Variants in SKOR2 observed in about 807,000 individuals in gnomAD.
The protein encoded by SKOR2 is SKI family transcriptional corepressor 2.
SKOR2 carries 47 observed loss-of-function variants against 69.1 expected under a neutral mutation model. That is an observed-to-expected ratio of 0.68 (90% CI 0.54 to 0.87). The LOEUF is 0.87. SKOR2 is among the 40% of genes least tolerant of loss of function. The pLI is 0.00. For synonymous variants in SKOR2, 717 were observed against 672.6 expected, an observed-to-expected ratio of 1.07 and a Z score of -1.02; for missense variants, 1,404 against 1,472.2, an observed-to-expected ratio of 0.95 and a Z score of 0.76.
At position 47,239,915 on chromosome 18, in the gene SKOR2, G is replaced by A. The variant is rs141122124; in HGVS notation, c.2752+4993C>T. 9.4e-4 allele frequency among the ~76,000 whole-genome samples: 143 copies of A among 152,236 alleles called. 1 individual carries two copies. Among genetic ancestry groups the A allele is most frequent in the African/African-American group, 3.2e-3 (133 of 41,528 alleles). On this transcript the variant is annotated intron_variant, in intron 4 of 8. Transcript: ENST00000425639. ...AAGGGTTTACCTAATGTCACCTAGTGAGGGAATTAAAACTCAGATCTACTA... is the reference window on the plus strand; with the variant it reads ...AAGGGTTTACCTAATGTCACCTAGTAAGGGAATTAAAACTCAGATCTACTA...
At position 47,248,333 on chromosome 18, in the gene SKOR2, G is replaced by A; in HGVS notation, c.851C>T (p.Ala284Val). 1 of 1,202,290 alleles carries A rather than the reference G, an allele frequency of 8.3e-7. No homozygotes were observed. Among genetic ancestry groups the A allele is most frequent in the Non-Finnish European group, 1.0e-6 (1 of 971,776 alleles). The allele number at this position is 1,202,290 out of a possible 1,614,324, so 74.5% of individuals were successfully genotyped here. Residue 284 changes from alanine (A) to valine (V), a missense_variant, in exon 2 of 9, where the codon GCG (alanine) becomes GTG (valine). Physicochemically the swap from Ala to Val is moderately conservative, Grantham distance 64. Coordinates refer to ENST00000425639, the MANE Select transcript of SKOR2 (RefSeq NM_001278063.4). This position sits in a 1 kb window ranked among gnomAD's most constrained non-coding sequence, Gnocchi z 6.4. ...GGLLGPHLLG[A>V]PPPPPPPPPP... Reference sequence around the variant, plus strand: ...CGGTGGCGGCGGCGGCGGCGGGGGCGCACCCAGCAGGTGGGGGCCCAGCAG... The same window carrying A: ...CGGTGGCGGCGGCGGCGGCGGGGGCACACCCAGCAGGTGGGGGCCCAGCAG...
chr18:47,235,586 C>A (rs766478493), intron 4 of SKOR2, among the ~76,000 whole-genome samples: 7 of 152,070 alleles, frequency 4.6e-5, no homozygotes, highest in Non-Finnish European at 8.8e-5. Context: ...CTTTCCTGGT[C>A]TCTCCAAGGA....
intron 4 of SKOR2, among the ~76,000 whole-genome samples, chr18:47,241,465 G>A (rs1215232951): frequency 6.6e-6 from 1 of 152,048 alleles, no homozygotes; most frequent in Non-Finnish European, 1.5e-5. Context: ...CCCAGTCTGG[G>A]ATTTTCTCAA....
chr18:47,208,103 T>A (rs193210752), intron 8 of SKOR2, among the ~76,000 whole-genome samples: 7 of 152,222 alleles, frequency 4.6e-5, no homozygotes, highest in Non-Finnish European at 1.0e-4. Context: ...AGAGTGAGAC[T>A]CAAAGAGATT....
In SKOR2 at chr18:47,249,085, G is replaced by T. The variant is rs1172151800; in HGVS notation, c.99C>A (p.His33Gln). ...PDTLSQPRPG[H>Q]ANLKPNQVGQ... ...CCACCTGGTTGGGTTTGAGGTTGGCGTGCCCTGGCCGCGGCTGGCTCAGCG... is the reference window on the plus strand; with the variant it reads ...CCACCTGGTTGGGTTTGAGGTTGGCTTGCCCTGGCCGCGGCTGGCTCAGCG... Residue 33 changes from histidine (H) to glutamine (Q), a missense_variant, in exon 2 of 9, where the codon CAC becomes CAA. His to Gln is a conservative substitution (Grantham distance 24). Around this residue, in one of 3 missense-constraint regions of SKOR2, gnomAD observed 104 missense variants for 95.7 expected, o/e 1.09. Transcript: ENST00000425639. 1 of 1,536,470 alleles carries T rather than the reference G, an allele frequency of 6.5e-7. No individual in the cohort carries two copies. The highest frequency in any genetic ancestry group is 8.7e-7 in the Non-Finnish European group (1 of 1,146,952).
chr18:47,227,646 G>A (rs1224566984), intron 6 of SKOR2, among the ~76,000 whole-genome samples: 1 of 152,100 alleles, frequency 6.6e-6, no homozygotes, highest in Non-Finnish European at 1.5e-5. Context: ...CCAAAAATTT[G>A]GACCCAAGTT....
chr18:47,225,206 GAATCTAAAATGATGACATTTTAGATGA>G, intron 6 of SKOR2, among the ~76,000 whole-genome samples: 1 of 152,126 alleles, frequency 6.6e-6, no homozygotes, highest in Non-Finnish European at 1.5e-5. Flanking sequence ...TTTTTTATAA[GAATCTAAAATGATGACATTTTAGATGA>G]AATCTAACAT....
Position 47,246,527 on chromosome 18 carries a change from AAAT to A in SKOR2, c.2613+41_2613+43del, listed in dbSNP as rs766612569. 4.8e-6 allele frequency: 7 copies of A among 1,460,824 alleles called. No individual in the cohort carries two copies. The South Asian group carries it at 8.2e-5, about 17-fold the overall frequency. The allele number at this position is 1,460,824 out of a possible 1,614,324, so 90.5% of individuals were successfully genotyped here. A position where few individuals can be genotyped will look rare whatever the true frequency, so the allele number is the denominator to read the frequency against. On this transcript the variant is annotated intron_variant, in intron 2 of 8. Transcript: ENST00000425639. ...ACCGATTCAGCCTAAAGGTGCATTT[AAAT>A]AATAATAATTAGCTTGAAGGAGCCT...
chr18:47,220,175 A>G (rs753359298), intron 6 of SKOR2, among the ~76,000 whole-genome samples, 165 bp from the exon 7 acceptor site: 1 of 152,210 alleles, frequency 6.6e-6, no homozygotes, highest in Non-Finnish European at 1.5e-5. Context: ...TCAACACTCT[A>G]TAATTTAATC....
chr18:47,223,305 T>G (rs1343306902), intron 6 of SKOR2, among the ~76,000 whole-genome samples: 17 of 152,038 alleles, frequency 1.1e-4, no homozygotes. Flanking sequence ...TCACCAGCAA[T>G]GAAAGAAAAG....
At chr18:47,230,405 A>G (rs1314693606) in intron 6 of SKOR2, 54 bp downstream of exon 6, 4 of 1,069,510 alleles carry the variant, frequency 3.7e-6, no homozygotes, top group Non-Finnish European at 4.9e-6. Context: ...TAAGCCTAAT[A>G]ATAGAAACGT....
At chr18:47,209,763 A>G (rs941920421) in intron 8 of SKOR2, among the ~76,000 whole-genome samples, 1 of 152,130 alleles carries the variant, frequency 6.6e-6, no homozygotes, top group African/African-American at 2.4e-5. Context: ...GGGGAAGTGT[A>G]AGGAGTAAAA....
chr18:47,247,877 C>T lies in SKOR2; in HGVS notation c.1307G>A (p.Gly436Asp). The T allele has an allele frequency of 2.2e-6, 3 of 1,354,496 alleles. No individual in the cohort carries two copies. The highest frequency in any genetic ancestry group is 1.8e-5 in the South Asian group (1 of 54,132). The allele number at this position is 1,354,496 out of a possible 1,614,324, so 83.9% of individuals were successfully genotyped here. A position where few individuals can be genotyped will look rare whatever the true frequency, so the allele number is the denominator to read the frequency against. ...CGCGCCCGCGCCGCCTGCGCCCGCG[C>T]CCCCCAGGGCCTCAGCGGCGGCACC... ...DAGAAAEALG[G>D]AGAGGAGAAP... is the part of the protein sequence containing the mutation. Residue 436 changes from glycine to aspartate, a missense_variant, in exon 2 of 9, where the codon GGC becomes GAC. By Grantham distance (94) the Gly-to-Asp change is moderately conservative. Transcript: ENST00000425639. The surrounding 1 kb of genome is among the most constrained non-coding windows in gnomAD (Gnocchi z 6.6).
chr18:47,214,760 A>T (rs937391725), intron 7 of SKOR2, among the ~76,000 whole-genome samples: 2 of 152,186 alleles, frequency 1.3e-5, no homozygotes, highest in African/African-American at 4.8e-5. Flanking sequence ...GCAACATTGG[A>T]CTTGCAGACA....
At position 47,249,031 on chromosome 18, in the gene SKOR2, G is replaced by A. The variant is rs759239404; in HGVS notation, c.153C>T (p.Ile51=). ...CTTGCCCGTCGATCACCAACGACAC[G>A]ATGGGAATGCCGTAGAGGATCACCT... ...VGQVILYGIP[I]VSLVIDGQER... is the part of the protein sequence containing the mutation. Residue 51 remains isoleucine, a synonymous_variant, in exon 2 of 9, where the codon ATC becomes ATT. Coordinates refer to ENST00000425639, the MANE Select transcript of SKOR2 (RefSeq NM_001278063.4). The A allele has an allele frequency of 3.2e-6, 5 of 1,540,746 alleles. No homozygotes were observed. The East Asian group carries it at 7.3e-5, about 22-fold the overall frequency.
chr18:47,250,398 C>A (rs1277476651), intron 1 of SKOR2, among the ~76,000 whole-genome samples: 2 of 152,202 alleles, frequency 1.3e-5, no homozygotes, highest in Non-Finnish European at 2.9e-5. Context: ...ATTTTAGTGA[C>A]AATGCCACTA....
At position 47,246,758 on chromosome 18, in the gene SKOR2, G is replaced by C; in HGVS notation, c.2426C>G (p.Ala809Gly). 7.1e-7 allele frequency: 1 copy of C among 1,404,366 alleles called. No individual in the cohort carries two copies. Among genetic ancestry groups the C allele is most frequent in the Non-Finnish European group, 9.2e-7 (1 of 1,089,352 alleles). 87.0% of individuals were successfully genotyped at this position (1,404,366 alleles called of 1,614,324 possible). The change falls in exon 2 of 9, where the codon GCG (alanine) becomes GGG (glycine). Residue 809 changes from alanine to glycine, a missense_variant. Ala to Gly is a moderately conservative substitution (Grantham distance 60). Transcript: ENST00000425639. ...GGAGGAGTTCAGGCCGAGCGGGAAC[G>C]CGCCCGCGACGGCCGGCGCGCGGTC... is the stretch of plus-strand genomic sequence containing the variant. ...SRDRAPAVAGAFPLGLNSSRL... is the reference protein window; with the variant it reads ...SRDRAPAVAGGFPLGLNSSRL...
chr18:47,247,647 G>T lies in SKOR2; in HGVS notation c.1537C>A (p.Leu513Met). The change falls in exon 2 of 9, where the codon CTG (leucine) becomes ATG (methionine). Residue 513 changes from leucine to methionine, a missense_variant. Coordinates refer to ENST00000425639, the MANE Select transcript of SKOR2 (RefSeq NM_001278063.4). The surrounding 1 kb of genome is among the most constrained non-coding windows in gnomAD (Gnocchi z 6.6). Reference sequence around the variant, plus strand: ...CCAGCAGCACCGCCTGGCTCAGCCAGGTCCAGGAAGGCCTGGCGCAGCAGG... The same window carrying T: ...CCAGCAGCACCGCCTGGCTCAGCCATGTCCAGGAAGGCCTGGCGCAGCAGG... ...PALLRQAFLD[L>M]AEPGGAAGSA... 7.4e-7 allele frequency: 1 copy of T among 1,358,150 alleles called. No individual in the cohort carries two copies. The allele number at this position is 1,358,150 out of a possible 1,614,324, so 84.1% of individuals were successfully genotyped here.
intron 5 of SKOR2, 85 bp from the exon 6 acceptor site, chr18:47,230,642 A>G (rs2064194144): frequency 2.2e-6 from 2 of 898,674 alleles, no homozygotes; most frequent in Admixed American, 7.1e-5. Flanking sequence ...TATTATTATA[A>G]GACAAAATAT....
Sources: allele counts gnomAD v4.1 joint callset (sites outside exome capture counted in the v4.1 genomes callset), GRCh38; gene constraint gnomAD v4.1.1; regional missense constraint gnomAD v4.1.1; non-coding constraint Gnocchi (gnomAD v3.1); transcripts MANE v1.5; gene names NCBI Gene and HGNC (gene_info 2026-07-23, HGNC 2026-07-21).